The following CADM2 variants were observed in gnomAD, a reference collection of about 807,000 sequenced individuals.
The protein encoded by CADM2 is immunoglobulin superfamily member 4D.
In CADM2, 12 loss-of-function variants were observed where a neutral mutation model predicts 49.8. The observed-to-expected ratio is 0.24, with a 90% CI of 0.15 to 0.39. The LOEUF (loss-of-function observed/expected upper bound fraction) is 0.39, where lower values mean the gene tolerates loss of function less well. Ranked by LOEUF, CADM2 falls within the 10% of genes least tolerant of loss-of-function variation. The pLI, the probability that CADM2 is intolerant of heterozygous loss-of-function variation, is 1.00. For synonymous variants in CADM2, 214 were observed against 175.4 expected (o/e 1.22, Z -1.74); for missense variants, 378 against 492.3 (o/e 0.77, Z 2.20).
intron 1 of CADM2, among the ~76,000 whole-genome samples, chr3:85,202,611 A>G (rs948488353): frequency 6.6e-6 from 1 of 152,132 alleles, no homozygotes; most frequent in Non-Finnish European, 1.5e-5. Flanking sequence ...GATTTAGTAT[A>G]ATTCTTAAAG....
intron 2 of CADM2, among the ~76,000 whole-genome samples, chr3:85,783,470 T>C (rs148059802): frequency 6.6e-6 from 1 of 152,302 alleles, no homozygotes; most frequent in Non-Finnish European, 1.5e-5. Flanking sequence ...AGGTTCCCAT[T>C]GGTCCAGACA....
At chr3:85,077,206 T>C (rs2036978346) in intron 1 of CADM2, among the ~76,000 whole-genome samples, 1 of 152,166 alleles carries the variant, frequency 6.6e-6, no homozygotes, top group African/African-American at 2.4e-5. Flanking sequence ...TTAAAGAATA[T>C]TGCCCTGTGT....
At chr3:85,704,850 AT>A (rs2066889166) in intron 1 of CADM2, among the ~76,000 whole-genome samples, 5 of 150,016 alleles carry the variant, frequency 3.3e-5, no homozygotes, top group African/African-American at 9.8e-5. Context: ...CTCTTTATTT[AT>A]TTATTATTAT....
chr3:85,518,858 A>AT (rs1010009640), intron 1 of CADM2, among the ~76,000 whole-genome samples: 2 of 152,132 alleles, frequency 1.3e-5, no homozygotes, highest in South Asian at 2.1e-4. Context: ...CTCGGCAAAG[A>AT]TTTTTTTCTT....
chr3:85,854,512 A>C (rs984245572), intron 3 of CADM2, among the ~76,000 whole-genome samples: 1 of 152,192 alleles, frequency 6.6e-6, no homozygotes, highest in African/African-American at 2.4e-5. Flanking sequence ...CATAATTCTC[A>C]GCAAACTAAC....
intron 1 of CADM2, among the ~76,000 whole-genome samples, chr3:85,311,675 C>G (rs560960236): frequency 1.3e-5 from 2 of 152,070 alleles, no homozygotes; most frequent in South Asian, 4.2e-4. Context: ...CACGCCCGGC[C>G]GCATCATTTT....
intron 2 of CADM2, among the ~76,000 whole-genome samples, chr3:85,728,161 AT>A (rs1279961011): frequency 9.2e-5 from 14 of 152,298 alleles, no homozygotes; most frequent in Admixed American, 7.2e-4. Flanking sequence ...CATAAATTAT[AT>A]TACAGGTATC....
chr3:85,961,309 C>T (rs889704450), intron 7 of CADM2, among the ~76,000 whole-genome samples, 160 bp from the exon 8 acceptor site: 1 of 151,776 alleles, frequency 6.6e-6, no homozygotes, highest in Non-Finnish European at 1.5e-5. Flanking sequence ...ACCTCCGACT[C>T]TTTTGAGTGA....
intron 1 of CADM2, among the ~76,000 whole-genome samples, chr3:85,606,038 A>T (rs1484381713): frequency 6.6e-6 from 1 of 152,064 alleles, no homozygotes; most frequent in Non-Finnish European, 1.5e-5. Context: ...TGGATATTTG[A>T]CTTTAATAAT....
chr3:85,368,787 A>G (rs536553177), intron 1 of CADM2, among the ~76,000 whole-genome samples: 4 of 152,242 alleles, frequency 2.6e-5, no homozygotes, highest in Admixed American at 2.6e-4. Context: ...AGAATAGAAA[A>G]GAGAATGTCA....
intron 6 of CADM2, among the ~76,000 whole-genome samples, chr3:85,934,110 T>C (rs983074354): frequency 6.6e-6 from 1 of 152,112 alleles, no homozygotes; most frequent in African/African-American, 2.4e-5. Flanking sequence ...CCCAAAATTA[T>C]ACATTTCTGA....
rs1014912906 is a variant in CADM2, at chr3:85,693,374, A to C, written c.62-33148A>C. 4.2e-5 allele frequency among the ~76,000 whole-genome samples: 6 copies of C among 143,450 alleles called. No homozygotes were observed. In the East Asian group the frequency reaches 6.4e-4, roughly 15 times the overall value. The allele number at this position is 143,450 out of a possible 152,430, so 94.1% of individuals were successfully genotyped here. A position where few individuals can be genotyped will look rare whatever the true frequency, so the allele number is the denominator to read the frequency against. ...GGCAGGCAGATCAGGAGGTCAGGAG[A>C]TCGAGACCATCCTGGCTAACAGGGT... is the stretch of plus-strand genomic sequence containing the variant. On this transcript the variant is annotated intron_variant, in intron 1 of 9. Transcript: ENST00000383699.
intron 1 of CADM2, among the ~76,000 whole-genome samples, chr3:85,225,933 G>T (rs780802689): frequency 2.0e-4 from 31 of 152,188 alleles, no homozygotes; most frequent in Non-Finnish European, 3.5e-4. Context: ...AACCAGCCTT[G>T]CATCCCAGGG....
chr3:85,775,373 T>C (rs2070309835), intron 2 of CADM2, among the ~76,000 whole-genome samples: 2 of 151,766 alleles, frequency 1.3e-5, no homozygotes, highest in Non-Finnish European at 3.0e-5. Context: ...TTACTACTGA[T>C]ATCATCAGTT....
At chr3:85,895,780 C>G (rs1715139321) in intron 5 of CADM2, among the ~76,000 whole-genome samples, 1 of 152,180 alleles carries the variant, frequency 6.6e-6, no homozygotes, top group Non-Finnish European at 1.5e-5. Context: ...TGCACACTCT[C>G]TCTTGCCTGC....
chr3:85,551,042 G>A (rs1052504303), intron 1 of CADM2, among the ~76,000 whole-genome samples: 1 of 152,072 alleles, frequency 6.6e-6, no homozygotes, highest in Non-Finnish European at 1.5e-5. Flanking sequence ...GGAGTGTAGT[G>A]GTGTGATTTT....
At chr3:85,015,192 A>G (rs552896352) in intron 1 of CADM2, among the ~76,000 whole-genome samples, 3 of 152,230 alleles carry the variant, frequency 2.0e-5, no homozygotes, top group Admixed American at 2.0e-4. Flanking sequence ...GTAATTTTAT[A>G]TAGCTTTTAA....
intron 1 of CADM2, among the ~76,000 whole-genome samples, chr3:85,689,109 A>C (rs943764640): frequency 6.6e-6 from 1 of 152,244 alleles, no homozygotes; most frequent in African/African-American, 2.4e-5. Flanking sequence ...CTATCAATAG[A>C]TGCAAAAACA....
Position 86,066,907 on chromosome 3 carries a change from T to A in CADM2, c.*124T>A. 1.4e-6 allele frequency: 1 copy of A among 694,906 alleles called. No individual in the cohort carries two copies. The highest frequency in any genetic ancestry group is 2.6e-6 in the Non-Finnish European group (1 of 389,276). 43.0% of individuals were successfully genotyped at this position (694,906 alleles called of 1,614,324 possible). On this transcript the variant is annotated 3_prime_UTR_variant, in exon 10 of 10. Coordinates refer to ENST00000383699, the MANE Select transcript of CADM2 (RefSeq NM_001167675.2). ...TATTAACTCCCATACTGTACTGCTA[T>A]CAGTAGCCAGTGTATACCAACAATC...
Sources: gnomAD v4.1 joint callset for allele counts (sites outside exome capture counted in the v4.1 genomes callset) on GRCh38, gnomAD v4.1.1 for gene constraint, MANE v1.5 for transcripts, NCBI Gene and HGNC (gene_info 2026-07-23, HGNC 2026-07-21) for gene names.